TMEM63B: variants seen among roughly 807,000 people sequenced by gnomAD.
The protein encoded by TMEM63B is transmembrane protein 63B, also known as mechanosensitive cation channel TMEM63B.
A neutral mutation model predicts 102.6 loss-of-function variants in TMEM63B; 23 were observed. That is an observed-to-expected ratio of 0.22 (90% confidence interval 0.16 to 0.32). The LOEUF is 0.32. Ranked by LOEUF, TMEM63B falls within the 10% of genes least tolerant of loss-of-function variation. The pLI is 1.00. For missense variants in TMEM63B, 628 were observed against 1,095.9 expected, an observed-to-expected ratio of 0.57 and a Z score of 6.03; for synonymous variants, 444 against 437.0, an observed-to-expected ratio of 1.02 and a Z score of -0.20.
intron 1 of TMEM63B, among the ~76,000 whole-genome samples, chr6:44,131,681 T>G (rs796462507): frequency 1.3e-5 from 2 of 152,138 alleles, no homozygotes; most frequent in African/African-American, 4.8e-5. Context: ...ATCGCGCCAC[T>G]GCACTCCACT....
chr6:44,132,357 T>C (rs1278009726), intron 1 of TMEM63B: 1 of 984,086 alleles, frequency 1.0e-6, no homozygotes, highest in Non-Finnish European at 1.2e-6. Flanking sequence ...ATGTAGAAGC[T>C]TCCAAAATGC....
At chr6:44,147,624 G>A (rs1353237430) in intron 12 of TMEM63B, 124 bp downstream of exon 12, 1 of 1,380,502 alleles carries the variant, frequency 7.2e-7, no homozygotes, top group South Asian at 1.4e-5. Flanking sequence ...AGTTCCCACT[G>A]TTGGGTTTGT....
chr6:44,148,783 C>T lies in TMEM63B; in HGVS notation c.1260-9C>T. 1 of 1,614,098 alleles carries T rather than the reference C, an allele frequency of 6.2e-7. No individual in the cohort carries two copies. The highest frequency in any genetic ancestry group is 8.5e-7 in the Non-Finnish European group (1 of 1,180,000). On this transcript the variant is annotated splice_polypyrimidine_tract_variant and intron_variant, in intron 14 of 23. Coordinates refer to ENST00000323267, the MANE Select transcript of TMEM63B (RefSeq NM_018426.3). The surrounding 1 kb of genome is among the most constrained non-coding windows in gnomAD (Gnocchi z 5.1). ...GGTTCCTGGACTGACCGGTTCCCCA[C>T]CTTGCCAGGGAGCACCTCTCCATCC...
intron 18 of TMEM63B, among the ~76,000 whole-genome samples, 162 bp from the exon 19 acceptor site, chr6:44,151,684 C>G (rs998670121): frequency 1.3e-5 from 2 of 152,066 alleles, no homozygotes; most frequent in African/African-American, 2.4e-5. Flanking sequence ...CTGTATGTCT[C>G]TGGGGGGAAC....
In TMEM63B at chr6:44,153,755, G is replaced by A. The variant is rs1171622744; in HGVS notation, c.2022G>A (p.Lys674=). The change falls in exon 21 of 24, where the codon AAG becomes AAA. Residue 674 remains lysine (K), a synonymous_variant. Transcript: ENST00000323267. ...YYAYLPAKLD[K]KIHSGAVNQV... is the part of the protein sequence containing the mutation. ...CCTACCTGCCGGCCAAGCTGGACAA[G>A]AAGATCCACTCGGGGGCTGTGAACC... The A allele has an allele frequency of 6.2e-7, 1 of 1,614,186 alleles. No homozygotes were observed. The highest frequency in any genetic ancestry group is 2.2e-5 in the East Asian group (1 of 44,888).
At chr6:44,139,658 G>A (rs1562122802) in intron 7 of TMEM63B, 49 bp downstream of exon 7, 2 of 1,614,134 alleles carry the variant, frequency 1.2e-6, no homozygotes, top group Non-Finnish European at 1.7e-6. Context: ...GGGGCTGGAG[G>A]GGATGTGCCC....
In TMEM63B at chr6:44,136,345, C is replaced by G. The variant is rs770391172; in HGVS notation, c.279-4C>G. ...CTCTGATCTCTCATCTCCCTCACCC[C>G]CAGTGTGGCTTCAGCTATGCACGGG... On this transcript the variant is annotated splice_polypyrimidine_tract_variant and splice_region_variant and intron_variant, in intron 4 of 23. Coordinates refer to ENST00000323267, the MANE Select transcript of TMEM63B (RefSeq NM_018426.3). 2 of 1,613,888 alleles carry G rather than the reference C, an allele frequency of 1.2e-6. No homozygotes were observed. The highest frequency in any genetic ancestry group is 1.7e-6 in the Non-Finnish European group (2 of 1,179,816).
intron 20 of TMEM63B, among the ~76,000 whole-genome samples, chr6:44,153,372 C>T (rs1434760621): frequency 3.3e-5 from 5 of 152,306 alleles, no homozygotes; most frequent in Non-Finnish European, 5.9e-5. Flanking sequence ...TTAATTTATA[C>T]GTATCTGTTT....
chr6:44,150,496 G>C lies in TMEM63B; in HGVS notation c.1608-68G>C. 6.3e-7 allele frequency: 1 copy of C among 1,583,142 alleles called. No individual in the cohort carries two copies. Among genetic ancestry groups the C allele is most frequent in the African/African-American group, 1.3e-5 (1 of 74,318 alleles). Reference sequence around the variant, plus strand: ...TCTCCCCAGTGGCTCACAGAGGAGGGACTTCCCCTCCCCTGGTGTTCTGTA... The same window carrying C: ...TCTCCCCAGTGGCTCACAGAGGAGGCACTTCCCCTCCCCTGGTGTTCTGTA... On this transcript the variant is annotated intron_variant, in intron 17 of 23. Transcript: ENST00000323267. This position sits in a 1 kb window ranked among gnomAD's most constrained non-coding sequence, Gnocchi z 4.7.
chr6:44,144,683 A>C (rs1347617918), intron 10 of TMEM63B, among the ~76,000 whole-genome samples: 5 of 151,634 alleles, frequency 3.3e-5, no homozygotes, highest in Admixed American at 6.6e-5. Flanking sequence ...TGCAGCCTTG[A>C]CCTCCTGGGC....
intron 1 of TMEM63B, chr6:44,132,150 G>T (rs1339844092): frequency 6.4e-6 from 4 of 627,730 alleles, no homozygotes; most frequent in South Asian, 7.1e-5. Flanking sequence ...TCCCCTACTG[G>T]GTTCCTGCTT....
Position 44,138,475 on chromosome 6 carries a change from C to T in TMEM63B, c.370-5C>T. ...ACTCCCGCTGACAGCCCTCTGTTCC[C>T]CCAGGGTTTCTGTTCCTGGCTGACA... is the stretch of plus-strand genomic sequence containing the variant. On this transcript the variant is annotated splice_polypyrimidine_tract_variant and splice_region_variant and intron_variant, in intron 5 of 23. Coordinates refer to ENST00000323267, the MANE Select transcript of TMEM63B (RefSeq NM_018426.3). 1 of 1,613,982 alleles carries T rather than the reference C, an allele frequency of 6.2e-7. No homozygotes were observed. The highest frequency in any genetic ancestry group is 8.5e-7 in the Non-Finnish European group (1 of 1,180,000).
At chr6:44,144,596 C>A (rs933003546) in intron 10 of TMEM63B, among the ~76,000 whole-genome samples, 9 of 150,794 alleles carry the variant, frequency 6.0e-5, no homozygotes, top group South Asian at 2.1e-4. Flanking sequence ...AAAAAAAAAA[C>A]AATTTTTTTT....
At position 44,134,752 on chromosome 6, in the gene TMEM63B, C is replaced by A. The variant is rs776415983; in HGVS notation, c.159+9C>A. On this transcript the variant is annotated intron_variant, in intron 2 of 23. Coordinates refer to ENST00000323267, the MANE Select transcript of TMEM63B (RefSeq NM_018426.3). ...ACTTCATGTGCTTCCTTGTAAGTGCCTGCTGCCACCCCTTACCTTGGCATC... is the reference window on the plus strand; with the variant it reads ...ACTTCATGTGCTTCCTTGTAAGTGCATGCTGCCACCCCTTACCTTGGCATC... 2.5e-6 allele frequency: 4 copies of A among 1,610,036 alleles called. No individual in the cohort carries two copies. In the African/African-American group the frequency reaches 5.3e-5, roughly 21 times the overall value.
chr6:44,151,485 T>C (rs1214260974), intron 18 of TMEM63B, among the ~76,000 whole-genome samples: 2 of 152,064 alleles, frequency 1.3e-5, no homozygotes, highest in Non-Finnish European at 2.9e-5. Flanking sequence ...CGAGTTATGG[T>C]CTAAGTGGGG....
chr6:44,138,736 G>GTCCCCCCCCC lies in TMEM63B; in HGVS notation c.407+219_407+220insTCCCCCCCCC, dbSNP rs567563400. ...TAATCTCCTCTGTGACCCCCTGCCG[G>GTCCCCCCCCC]CCCCCCCGCTTCTCTCCCTGCCCTG... is the stretch of plus-strand genomic sequence containing the variant. On this transcript the variant is annotated intron_variant, in intron 6 of 23. Coordinates refer to ENST00000323267, the MANE Select transcript of TMEM63B (RefSeq NM_018426.3). The GTCCCCCCCCC allele has an allele frequency of 1.3e-3, 361 of 288,008 alleles. 4 individuals carry two copies. Among genetic ancestry groups the GTCCCCCCCCC allele is most frequent in the East Asian group, 2.3e-3 (39 of 16,854 alleles). 17.8% of individuals were successfully genotyped at this position (288,008 alleles called of 1,614,324 possible).
At chr6:44,154,281 C>G in intron 22 of TMEM63B, 84 bp from the exon 23 acceptor site, 7 of 1,598,398 alleles carry the variant, frequency 4.4e-6, no homozygotes, top group Non-Finnish European at 8.6e-7. Flanking sequence ...CTGAGGGCAG[C>G]GCCAACAGGG....
intron 10 of TMEM63B, among the ~76,000 whole-genome samples, chr6:44,144,323 T>C (rs1259013283): frequency 6.6e-6 from 1 of 152,156 alleles, no homozygotes; most frequent in African/African-American, 2.4e-5. Flanking sequence ...GGAAATATCT[T>C]GCATGCAAAT....
intron 10 of TMEM63B, among the ~76,000 whole-genome samples, chr6:44,146,455 TTG>T (rs971592073): frequency 6.6e-5 from 10 of 150,450 alleles, no homozygotes; most frequent in African/African-American, 2.4e-4. Flanking sequence ...GTGGGTTTTT[TTG>T]TCTTTTTTTT....
Sources: allele counts gnomAD v4.1 joint callset (sites outside exome capture counted in the v4.1 genomes callset), GRCh38; gene constraint gnomAD v4.1.1; non-coding constraint Gnocchi (gnomAD v3.1); transcripts MANE v1.5; gene names NCBI Gene and HGNC (gene_info 2026-07-23, HGNC 2026-07-21).